Variants in ZNF487 observed in about 807,000 individuals in gnomAD.
ZNF487 encodes KRAB domain only 1.
A neutral mutation model predicts 3.0 loss-of-function variants in ZNF487; 4 were observed. The observed-to-expected ratio is 1.35, with a 90% CI of 0.66 to 3.08. ZNF487 has a LOEUF of 3.08. ZNF487 is among the 30% of genes most tolerant of loss of function. The pLI is 0.01. For synonymous variants in ZNF487, 55 were observed against 34.6 expected, an observed-to-expected ratio of 1.59 and a Z score of -2.06; for missense variants, 146 against 98.7, an observed-to-expected ratio of 1.48 and a Z score of -2.03.
intron 1 of ZNF487, among the ~76,000 whole-genome samples, chr10:43,441,034 A>ATTTTT (rs763451709): frequency 0.12 from 5,440 of 44,638 alleles, 1,405 homozygotes; most frequent in East Asian, 0.17. Flanking sequence ...ACCTGGTTAA[A>ATTTTT]TTTTTTTTTT....
At chr10:43,487,744 G>C (rs181816835), downstream of ZNF487, among the ~76,000 whole-genome samples, 12 of 151,800 alleles carry the variant, frequency 7.9e-5, no homozygotes, top group East Asian at 2.1e-3. Flanking sequence ...GAGTCACTGT[G>C]CCCGGCCCGA....
intron 1 of ZNF487, among the ~76,000 whole-genome samples, chr10:43,463,739 C>T (rs1346038395): frequency 1.0e-4 from 15 of 147,190 alleles, no homozygotes; most frequent in Non-Finnish European, 1.3e-4. Context: ...AGCATGTGCT[C>T]ATGTTGTGTC....
chr10:43,457,016 C>A (rs931045235), intron 1 of ZNF487, among the ~76,000 whole-genome samples: 1 of 152,150 alleles, frequency 6.6e-6, no homozygotes, highest in African/African-American at 2.4e-5. Flanking sequence ...TTCCACCATG[C>A]TTACTCAGAA....
intron 1 of ZNF487, among the ~76,000 whole-genome samples, chr10:43,466,236 G>T (rs1290251434): frequency 1.3e-5 from 2 of 151,452 alleles, no homozygotes; most frequent in Non-Finnish European, 2.9e-5. Context: ...TAGAGACAGG[G>T]TTTCACCATG....
At chr10:43,442,283 G>C (rs548752192) in intron 1 of ZNF487, among the ~76,000 whole-genome samples, 3 of 136,954 alleles carry the variant, frequency 2.2e-5, no homozygotes, top group Middle Eastern at 3.8e-3. Context: ...AAAAAACAAA[G>C]AAAAAAACTC....
chr10:43,482,524 G>T lies in ZNF487; in HGVS notation c.*602G>T. On this transcript the variant is annotated 3_prime_UTR_variant, in exon 4 of 4. Coordinates refer to ENST00000437590, the MANE Select transcript of ZNF487 (RefSeq NM_001355444.3). ...TGTAATGAATGTGGAAAAAACTTCT[G>T]TGAGAAGTCAAATCTTCATGTACAT... The T allele has an allele frequency of 2.0e-6, 1 of 490,600 alleles. No homozygotes were observed. The allele number at this position is 490,600 out of a possible 1,614,324, so 30.4% of individuals were successfully genotyped here. A position where few individuals can be genotyped will look rare whatever the true frequency, so the allele number is the denominator to read the frequency against.
downstream of ZNF487, among the ~76,000 whole-genome samples, chr10:43,483,366 A>G (rs569715996): frequency 3.3e-5 from 5 of 152,074 alleles, no homozygotes; most frequent in Middle Eastern, 3.4e-3. Flanking sequence ...TCAGCTTCCC[A>G]AGTAGCTGGG....
the ZNF487 span, among the ~76,000 whole-genome samples, chr10:43,491,950 T>C: frequency 6.6e-6 from 1 of 151,784 alleles, no homozygotes; most frequent in African/African-American, 2.4e-5. Context: ...TGTTTTGATA[T>C]GAGGTCTTTG....
the ZNF487 span, among the ~76,000 whole-genome samples, chr10:43,511,787 C>G: frequency 6.6e-6 from 1 of 152,184 alleles, no homozygotes; most frequent in African/African-American, 2.4e-5. Flanking sequence ...ACGGGTCATC[C>G]TATCCACTTG....
At chr10:43,476,068 G>A (rs1841089864) in intron 2 of ZNF487, 39 bp from the exon 3 acceptor site, 1 of 713,936 alleles carries the variant, frequency 1.4e-6, no homozygotes, top group Non-Finnish European at 2.6e-6. Flanking sequence ...GTCCTCCGCA[G>A]GCTATCTGGC....
At chr10:43,519,625 A>G in the ZNF487 span, among the ~76,000 whole-genome samples, 3 of 151,942 alleles carry the variant, frequency 2.0e-5, no homozygotes, top group Non-Finnish European at 4.4e-5. Context: ...CCGCCACCAC[A>G]CCCAGCTAAG....
At chr10:43,498,075 T>TTTTATATATATATATATATATA in the ZNF487 span, among the ~76,000 whole-genome samples, 7 of 35,020 alleles carry the variant, frequency 2.0e-4, 1 homozygote, top group African/African-American at 9.3e-4. Context: ...ATTTGGTATT[T>TTTTATATATATATATATATATA]TATATATATA....
chr10:43,487,967 A>G (rs550131060), downstream of ZNF487, among the ~76,000 whole-genome samples: 8 of 147,490 alleles, frequency 5.4e-5, no homozygotes, highest in East Asian at 1.2e-3. Flanking sequence ...TTAGCCGGGC[A>G]TGGTGGCAGG....
At chr10:43,512,954 C>T in the ZNF487 span, among the ~76,000 whole-genome samples, 12 of 152,194 alleles carry the variant, frequency 7.9e-5, no homozygotes, top group African/African-American at 2.9e-4. Context: ...CACCACTGGA[C>T]CCCTAGAAAT....
chr10:43,492,601 G>T, the ZNF487 span, among the ~76,000 whole-genome samples: 1 of 151,910 alleles, frequency 6.6e-6, no homozygotes, highest in Non-Finnish European at 1.5e-5. Context: ...ACAAGCGCCC[G>T]CCACCACGCC....
At chr10:43,446,444 G>A (rs1434755395) in intron 1 of ZNF487, among the ~76,000 whole-genome samples, 2 of 150,652 alleles carry the variant, frequency 1.3e-5, no homozygotes, top group African/African-American at 2.4e-5. Flanking sequence ...AGACAGGGTC[G>A]CCGCCGGGCA....
chr10:43,465,484 C>A (rs918472776), intron 1 of ZNF487, among the ~76,000 whole-genome samples: 23 of 151,374 alleles, frequency 1.5e-4, no homozygotes, highest in African/African-American at 5.6e-4. Context: ...GGCGGCCGGG[C>A]AGAGACGCTC....
chr10:43,507,668 G>C, the ZNF487 span, among the ~76,000 whole-genome samples: 682 of 152,314 alleles, frequency 4.5e-3, 3 homozygotes, highest in African/African-American at 0.016. Context: ...GAAGCCAGAG[G>C]GCTAAGCTTG....
At chr10:43,493,709 A>ATATATAT in the ZNF487 span, among the ~76,000 whole-genome samples, 1 of 43,690 alleles carries the variant, frequency 2.3e-5, no homozygotes, top group African/African-American at 8.7e-5. Context: ...AAAAAAAAAA[A>ATATATAT]ATATATATAT....
Sources: allele counts gnomAD v4.1 joint callset (sites outside exome capture counted in the v4.1 genomes callset), GRCh38; gene constraint gnomAD v4.1.1; transcripts MANE v1.5; gene names NCBI Gene and HGNC (gene_info 2026-07-23, HGNC 2026-07-21).